Variants in ZSWIM5 observed in about 807,000 individuals in gnomAD.
ZSWIM5 encodes zinc finger SWIM domain-containing protein 5.
ZSWIM5 carries 55 observed loss-of-function variants against 119.6 expected under a neutral mutation model. That is an observed-to-expected ratio of 0.46 (90% CI 0.37 to 0.58). The LOEUF (loss-of-function observed/expected upper bound fraction) is 0.58. ZSWIM5 is among the 20% of genes least tolerant of loss of function. The pLI, the probability that ZSWIM5 is intolerant of heterozygous loss-of-function variation, is 0.00. For missense variants in ZSWIM5, 1,193 were observed against 1,512.8 expected (o/e 0.79, Z 3.51); for synonymous variants, 537 against 606.9 (o/e 0.88, Z 1.69).
chr1:45,193,938 G>GTGTATATATATATATATA (rs766920512), intron 1 of ZSWIM5, among the ~76,000 whole-genome samples: 199 of 146,266 alleles, frequency 1.4e-3, no homozygotes, highest in African/African-American at 4.8e-3. Context: ...GTGCATATGT[G>GTGTATATATATATATATA]TATATATATA....
intron 1 of ZSWIM5, among the ~76,000 whole-genome samples, chr1:45,112,706 C>T (rs903037572): frequency 3.3e-5 from 5 of 152,188 alleles, no homozygotes; most frequent in African/African-American, 1.2e-4. Flanking sequence ...ACTCTGACTA[C>T]TATGCCTATG....
intron 1 of ZSWIM5, among the ~76,000 whole-genome samples, chr1:45,163,691 T>A (rs947093316): frequency 3.9e-5 from 6 of 152,290 alleles, no homozygotes; most frequent in African/African-American, 1.4e-4. Flanking sequence ...TAAGCTTCAG[T>A]AGCTGATTCA....
At chr1:45,096,101 T>A (rs1285272304) in intron 1 of ZSWIM5, among the ~76,000 whole-genome samples, 1 of 152,236 alleles carries the variant, frequency 6.6e-6, no homozygotes, top group African/African-American at 2.4e-5. Context: ...CATTGTGAAG[T>A]TATTCTACTT....
chr1:45,106,630 C>T (rs973900222), intron 1 of ZSWIM5, among the ~76,000 whole-genome samples: 21 of 151,592 alleles, frequency 1.4e-4, no homozygotes, highest in South Asian at 4.2e-4. Context: ...AAGTGAGGCG[C>T]GCCTCTGCCC....
chr1:45,056,794 T>C (rs1161389358), intron 4 of ZSWIM5, among the ~76,000 whole-genome samples: 1 of 152,130 alleles, frequency 6.6e-6, no homozygotes. Context: ...AGAGATACTT[T>C]ATGGATTTTA....
intron 1 of ZSWIM5, among the ~76,000 whole-genome samples, chr1:45,135,313 T>C (rs1269040850): frequency 6.6e-6 from 1 of 152,172 alleles, no homozygotes; most frequent in East Asian, 1.9e-4. Context: ...ATGGAGTTTC[T>C]GTTTTGCAAG....
chr1:45,147,125 A>C (rs911631699), intron 1 of ZSWIM5, among the ~76,000 whole-genome samples: 2 of 150,880 alleles, frequency 1.3e-5, no homozygotes, highest in African/African-American at 4.9e-5. Flanking sequence ...CCCAGGCTGG[A>C]GTGCGGTGGT....
chr1:45,049,088 G>A lies in ZSWIM5; in HGVS notation c.1432+1986C>T, dbSNP rs185719266. On this transcript the variant is annotated intron_variant, in intron 5 of 13. Coordinates refer to ENST00000359600, the MANE Select transcript of ZSWIM5 (RefSeq NM_020883.2). ...AGAAGTTGCAGTGAGACGAGATCAC[G>A]CCACTTCACTCTAGCGTGGGTGACA... Among the ~76,000 whole-genome samples, 22 of 152,174 alleles carry A rather than the reference G, an allele frequency of 1.4e-4. No homozygotes were observed. In the South Asian group the frequency reaches 1.7e-3, roughly 11 times the overall value.
intron 1 of ZSWIM5, among the ~76,000 whole-genome samples, chr1:45,137,767 G>C (rs1055772794): frequency 1.3e-5 from 2 of 152,188 alleles, no homozygotes; most frequent in Non-Finnish European, 2.9e-5. Flanking sequence ...ACACAGGGAA[G>C]GGTGACAGAT....
chr1:45,122,252 C>T (rs985805386), intron 1 of ZSWIM5, among the ~76,000 whole-genome samples: 2 of 152,164 alleles, frequency 1.3e-5, no homozygotes, highest in African/African-American at 2.4e-5. Context: ...AGCTGCTTGA[C>T]CTTTCAGTAC....
At chr1:45,171,453 G>T (rs754022741) in intron 1 of ZSWIM5, among the ~76,000 whole-genome samples, 9 of 152,054 alleles carry the variant, frequency 5.9e-5, no homozygotes, top group Non-Finnish European at 1.3e-4. Flanking sequence ...AACTGACAAA[G>T]ATTAATCTAA....
intron 1 of ZSWIM5, among the ~76,000 whole-genome samples, chr1:45,161,896 T>G (rs543806873): frequency 1.1e-4 from 16 of 152,204 alleles, no homozygotes; most frequent in Admixed American, 8.5e-4. Flanking sequence ...CACTGCTCCA[T>G]GAAAGTGAAA....
intron 11 of ZSWIM5, among the ~76,000 whole-genome samples, chr1:45,033,310 A>G (rs544634906): frequency 2.6e-5 from 4 of 152,192 alleles, no homozygotes; most frequent in African/African-American, 7.2e-5. Context: ...TTTTTATATT[A>G]ATTTATATGT....
rs139395673 is a variant in ZSWIM5 at position 45,055,294 on chromosome 1, T to G, written c.1252+3315A>C. Among the ~76,000 whole-genome samples, 1,048 of 152,012 alleles carry G rather than the reference T, an allele frequency of 6.9e-3. 7 individuals are homozygous for G. The highest frequency in any genetic ancestry group is 0.01 in the Non-Finnish European group (712 of 67,960). ...TGTGAGCCACTGTGCCCGGCCAGTTTTTTGTATTTTTAGTAGAGACAGGGT... is the reference window on the plus strand; with the variant it reads ...TGTGAGCCACTGTGCCCGGCCAGTTGTTTGTATTTTTAGTAGAGACAGGGT... On this transcript the variant is annotated intron_variant, in intron 4 of 13. Coordinates refer to ENST00000359600, the MANE Select transcript of ZSWIM5 (RefSeq NM_020883.2).
intron 4 of ZSWIM5, among the ~76,000 whole-genome samples, chr1:45,056,949 T>C (rs1645127441): frequency 6.6e-6 from 1 of 152,208 alleles, no homozygotes; most frequent in African/African-American, 2.4e-5. Context: ...CTCTCTACAT[T>C]TGTAGTTCCT....
At chr1:45,064,672 G>A (rs1468201391) in intron 2 of ZSWIM5, among the ~76,000 whole-genome samples, 1 of 152,156 alleles carries the variant, frequency 6.6e-6, no homozygotes, top group Non-Finnish European at 1.5e-5. Flanking sequence ...ACATAGAAAG[G>A]TGCCTGCCAT....
At chr1:45,143,243 ACT>A (rs1030421328) in intron 1 of ZSWIM5, among the ~76,000 whole-genome samples, 81 of 151,930 alleles carry the variant, frequency 5.3e-4, no homozygotes, top group African/African-American at 1.8e-3. Flanking sequence ...AGACACAAAA[ACT>A]CTCAACAAAA....
rs549199345 is a variant in ZSWIM5, at chr1:45,128,848, A to G, written c.596-40611T>C. ...GTTTTTCTTCTTTTTTTTACTGTCT[A>G]AAGTTTTACCTTTTCCCAAATGTCA... On this transcript the variant is annotated intron_variant, in intron 1 of 13. Coordinates refer to ENST00000359600, the MANE Select transcript of ZSWIM5 (RefSeq NM_020883.2). Among the ~76,000 whole-genome samples the G allele has an allele frequency of 3.0e-4, 45 of 152,204 alleles. No individual in the cohort carries two copies. The South Asian group carries it at 9.1e-3, about 31-fold the overall frequency.
chr1:45,067,079 G>T (rs1267174832), intron 2 of ZSWIM5, among the ~76,000 whole-genome samples: 6 of 152,126 alleles, frequency 3.9e-5, no homozygotes, highest in African/African-American at 1.4e-4. Flanking sequence ...TTGATCTTGG[G>T]ATGCCTTTAT....
Sources: allele counts gnomAD v4.1 joint callset (sites outside exome capture counted in the v4.1 genomes callset), GRCh38; gene constraint gnomAD v4.1.1; transcripts MANE v1.5; gene names NCBI Gene and HGNC (gene_info 2026-07-23, HGNC 2026-07-21).